The following NFXL1 variants were observed in gnomAD, a reference collection of about 807,000 sequenced individuals.
The protein encoded by NFXL1 is NF-X1-type zinc finger protein NFXL1.
In NFXL1, 66 loss-of-function variants were observed where a neutral mutation model predicts 123.3. That is an observed-to-expected ratio of 0.54 (90% CI 0.44 to 0.66). The LOEUF (loss-of-function observed/expected upper bound fraction) is 0.66, where lower values mean the gene tolerates loss of function less well. NFXL1 is among the 30% of genes least tolerant of loss of function. The pLI is 0.00. For missense variants in NFXL1, 944 were observed against 1,125.6 expected, an observed-to-expected ratio of 0.84 and a Z score of 2.31; for synonymous variants, 346 against 360.8, an observed-to-expected ratio of 0.96 and a Z score of 0.46.
intron 15 of NFXL1, among the ~76,000 whole-genome samples, chr4:47,881,857 T>C (rs1435666531): frequency 6.6e-6 from 1 of 152,088 alleles, no homozygotes; most frequent in Non-Finnish European, 1.5e-5. Flanking sequence ...AAAAGATACA[T>C]GGTTGCTAGG....
intron 18 of NFXL1, among the ~76,000 whole-genome samples, chr4:47,871,835 T>C (rs1394882126): frequency 6.6e-6 from 1 of 152,180 alleles, no homozygotes; most frequent in Non-Finnish European, 1.5e-5. Context: ...ACAAAAATGT[T>C]AGCTAATATG....
At chr4:47,883,011 C>T (rs1172216683) in intron 15 of NFXL1, among the ~76,000 whole-genome samples, 2 of 152,134 alleles carry the variant, frequency 1.3e-5, no homozygotes, top group African/African-American at 4.8e-5. Context: ...AGGGAGAAAA[C>T]TTTTAATCTT....
chr4:47,910,581 A>G (rs1353288501), intron 3 of NFXL1, among the ~76,000 whole-genome samples: 1 of 152,188 alleles, frequency 6.6e-6, no homozygotes, highest in Non-Finnish European at 1.5e-5. Flanking sequence ...AATGCCAATT[A>G]AATACACACA....
chr4:47,871,566 A>G (rs1735434416), intron 18 of NFXL1, among the ~76,000 whole-genome samples: 1 of 152,200 alleles, frequency 6.6e-6, no homozygotes, highest in South Asian at 2.1e-4. Context: ...CAGAATCATC[A>G]ATGGATGCTA....
At chr4:47,910,427 C>T (rs547269307) in intron 3 of NFXL1, among the ~76,000 whole-genome samples, 1 of 152,182 alleles carries the variant, frequency 6.6e-6, no homozygotes, top group South Asian at 2.1e-4. Flanking sequence ...GACTTCAAGA[C>T]GCATTTAACA....
intron 2 of NFXL1, 122 bp from the exon 3 acceptor site, chr4:47,911,116 T>G: frequency 2.0e-6 from 1 of 488,132 alleles, no homozygotes; most frequent in South Asian, 4.5e-5. Flanking sequence ...TCTACCTTCC[T>G]GTAATCCACG....
intron 19 of NFXL1, among the ~76,000 whole-genome samples, chr4:47,858,781 T>C (rs576053934): frequency 3.8e-4 from 58 of 152,348 alleles, no homozygotes; most frequent in African/African-American, 1.4e-3. Flanking sequence ...GGTAAACTTC[T>C]GGTATGCCAG....
rs1738023964 is a variant in NFXL1 at position 47,914,581 on chromosome 4, G to A, written c.-219C>T. On this transcript the variant is annotated 5_prime_UTR_variant, in exon 1 of 23. Transcript: ENST00000507489. The stretch of plus-strand genomic sequence containing the variant: ...TCTCCCGCCGGGAACCAACTGCAGT[G>A]GTACACCCCACGGAAAGCTACGTCT... The A allele has an allele frequency of 5.0e-6, 1 of 199,228 alleles. No individual in the cohort carries two copies. The highest frequency in any genetic ancestry group is 5.9e-5 in the Admixed American group (1 of 16,842). The allele number at this position is 199,228 out of a possible 1,614,324, so 12.3% of individuals were successfully genotyped here. A position where few individuals can be genotyped will look rare whatever the true frequency, so the allele number is the denominator to read the frequency against.
intron 11 of NFXL1, among the ~76,000 whole-genome samples, chr4:47,892,449 C>A (rs1736832852): frequency 6.6e-6 from 1 of 152,126 alleles, no homozygotes; most frequent in African/African-American, 2.4e-5. Flanking sequence ...GAGTACTGGT[C>A]TGTATGTGTG....
chr4:47,886,262 G>T (rs1246700735), intron 12 of NFXL1, among the ~76,000 whole-genome samples: 1 of 152,112 alleles, frequency 6.6e-6, no homozygotes, highest in East Asian at 1.9e-4. Flanking sequence ...TGCAAGGAAG[G>T]TGTTGAAAAT....
chr4:47,908,978 A>ATTTGTT (rs1737701170), intron 3 of NFXL1, among the ~76,000 whole-genome samples: 1 of 151,134 alleles, frequency 6.6e-6, no homozygotes, highest in Non-Finnish European at 1.5e-5. Flanking sequence ...AAAAAGAAAC[A>ATTTGTT]AATTTTTTAA....
At chr4:47,853,990 G>C (rs1296472094) in intron 20 of NFXL1, among the ~76,000 whole-genome samples, 1 of 152,006 alleles carries the variant, frequency 6.6e-6, no homozygotes, top group Non-Finnish European at 1.5e-5. Flanking sequence ...TATGGCACTT[G>C]GACAAGACAT....
At position 47,900,171 on chromosome 4, in the gene NFXL1, T is replaced by G. The variant is rs190929391; in HGVS notation, c.648-623A>C. 1.9e-3 allele frequency among the ~76,000 whole-genome samples: 295 copies of G among 152,164 alleles called. 1 individual carries two copies. The highest frequency in any genetic ancestry group is 6.7e-3 in the African/African-American group (277 of 41,528). ...GGAATAAACTTGAAAATAAAGAATT[T>G]CATAATTCTCAACATCTAGCACAAA... On this transcript the variant is annotated intron_variant, in intron 5 of 22. Transcript: ENST00000507489.
rs543110741 is a variant in NFXL1 at position 47,850,370 on chromosome 4, T to C, written c.2562+725A>G. Among the ~76,000 whole-genome samples the C allele has an allele frequency of 4.6e-5, 7 of 152,244 alleles. 1 individual carries two copies. In the South Asian group the frequency reaches 6.2e-4, roughly 13 times the overall value. On this transcript the variant is annotated intron_variant, in intron 22 of 22. Coordinates refer to ENST00000507489, the MANE Select transcript of NFXL1 (RefSeq NM_001278624.2). ...ATCAAAGTTTGAATTTCCTTATTCA[T>C]GCAAATCACGCAAGTTTCAATCTCA...
At chr4:47,899,692 A>G in intron 5 of NFXL1, 144 bp from the exon 6 acceptor site, 1 of 605,966 alleles carries the variant, frequency 1.7e-6, no homozygotes, top group South Asian at 2.2e-5. Flanking sequence ...TGAAAAAACA[A>G]GATCTTATTA....
At chr4:47,878,494 G>A in intron 17 of NFXL1, 31 bp downstream of exon 17, 1 of 1,470,360 alleles carries the variant, frequency 6.8e-7, no homozygotes, top group East Asian at 2.5e-5. Flanking sequence ...GAATACTATG[G>A]GCAGATATAC....
chr4:47,855,258 ACAAAGGGTCAAT>A, intron 19 of NFXL1, 95 bp from the exon 20 acceptor site: 1 of 629,476 alleles, frequency 1.6e-6, no homozygotes, highest in East Asian at 3.1e-5. Flanking sequence ...AGTCCATCAC[ACAAAGGGTCAAT>A]CAATCCTAGC....
intron 5 of NFXL1, among the ~76,000 whole-genome samples, chr4:47,901,873 C>T (rs2110102180): frequency 6.6e-6 from 1 of 152,254 alleles, no homozygotes; most frequent in Non-Finnish European, 1.5e-5. Flanking sequence ...ACTAGCACAT[C>T]TAAATGTTTT....
intron 19 of NFXL1, among the ~76,000 whole-genome samples, chr4:47,855,627 A>G (rs955949932): frequency 6.6e-6 from 1 of 152,078 alleles, no homozygotes; most frequent in African/African-American, 2.4e-5. Context: ...TCATGGGTGA[A>G]CACATGGAAT....
Sources: allele counts gnomAD v4.1 joint callset (sites outside exome capture counted in the v4.1 genomes callset), GRCh38; gene constraint gnomAD v4.1.1; transcripts MANE v1.5; gene names NCBI Gene and HGNC (gene_info 2026-07-23, HGNC 2026-07-21).